Variants in SCN8A observed in about 807,000 individuals in gnomAD.
The protein encoded by SCN8A is sodium channel protein type 8 subunit alpha.
SCN8A carries 30 observed loss-of-function variants against 184.1 expected under a neutral mutation model. The ratio of observed to expected loss-of-function variants is 0.16; its 90% CI spans 0.12 to 0.22. The LOEUF (loss-of-function observed/expected upper bound fraction) is 0.22, where lower values mean the gene tolerates loss of function less well. Among genes scored for constraint, SCN8A ranks in the 10% least tolerant of loss-of-function variants. SCN8A has a pLI of 1.00. For missense variants in SCN8A, 1,057 were observed against 2,498.9 expected (o/e 0.42, Z 12.30); for synonymous variants, 852 against 907.0 (o/e 0.94, Z 1.09).
chr12:51,671,005 A>C (rs894978739), intron 2 of SCN8A, among the ~76,000 whole-genome samples: 1 of 152,236 alleles, frequency 6.6e-6, no homozygotes, highest in African/African-American at 2.4e-5. Flanking sequence ...TGATACGTGC[A>C]TTAATGAAGA....
chr12:51,799,689 T>G (rs1938501400), intron 26 of SCN8A, among the ~76,000 whole-genome samples: 1 of 152,160 alleles, frequency 6.6e-6, no homozygotes. Flanking sequence ...CACTCAAAAC[T>G]GGCAGCCTTT....
intron 12 of SCN8A, 23 bp from the exon 13 acceptor site, chr12:51,745,880 C>CT: frequency 6.5e-7 from 1 of 1,530,530 alleles, no homozygotes; most frequent in South Asian, 1.3e-5. Flanking sequence ...ACTCTATTTG[C>CT]TTTTCTTTTT....
intron 12 of SCN8A, among the ~76,000 whole-genome samples, chr12:51,731,600 C>G (rs894369863): frequency 1.3e-5 from 2 of 152,084 alleles, no homozygotes; most frequent in African/African-American, 2.4e-5. Flanking sequence ...AGTGGGATTC[C>G]GGATCGTAAG....
In SCN8A at chr12:51,808,340, A is replaced by G. The variant is rs1391456668; in HGVS notation, c.*911A>G. The G allele has an allele frequency of 6.5e-6, 1 of 152,676 alleles. No individual in the cohort carries two copies. Among genetic ancestry groups the G allele is most frequent in the East Asian group, 1.9e-4 (1 of 5,198 alleles). 9.5% of individuals were successfully genotyped at this position (152,676 alleles called of 1,614,324 possible). ...AACAAAAAACAAACCCAATCCAACA[A>G]GCAGATGGATCCGTTGCGTGTATAT... is the stretch of plus-strand genomic sequence containing the variant. On this transcript the variant is annotated 3_prime_UTR_variant, in exon 27 of 27. Coordinates refer to ENST00000627620, the MANE Select transcript of SCN8A (RefSeq NM_001330260.2).
At chr12:51,666,308 C>T (rs1025340965) in intron 2 of SCN8A, among the ~76,000 whole-genome samples, 9 of 152,156 alleles carry the variant, frequency 5.9e-5, no homozygotes, top group Non-Finnish European at 1.2e-4. Context: ...TTTCATCTTC[C>T]ACTCTTAAGA....
intron 20 of SCN8A, among the ~76,000 whole-genome samples, chr12:51,779,919 A>C (rs777852295): frequency 6.6e-6 from 1 of 152,222 alleles, no homozygotes; most frequent in Non-Finnish European, 1.5e-5. Flanking sequence ...AGGTTATTTT[A>C]GTTAAAAGTG....
chr12:51,780,272 G>A (rs1272308495), intron 20 of SCN8A: 2 of 455,294 alleles, frequency 4.4e-6, no homozygotes, highest in Non-Finnish European at 4.4e-6. Flanking sequence ...AAGGGCGAGG[G>A]TAAGGCTCTT....
chr12:51,721,112 T>A (rs1255260060), intron 11 of SCN8A, among the ~76,000 whole-genome samples: 4,402 of 101,382 alleles, frequency 0.043, 125 homozygotes, highest in Non-Finnish European at 0.059. Flanking sequence ...TATATAATAT[T>A]TATTTATTGT....
At chr12:51,701,034 T>C (rs1345104111) in intron 7 of SCN8A, 110 bp from the exon 8 acceptor site, 3 of 632,596 alleles carry the variant, frequency 4.7e-6, no homozygotes, top group East Asian at 2.8e-5. Context: ...AAAAGATTTA[T>C]GAGCTAAAGT....
intron 17 of SCN8A, 85 bp from the exon 18 acceptor site, chr12:51,769,783 C>T (rs984052693): frequency 3.4e-6 from 3 of 869,910 alleles, no homozygotes; most frequent in African/African-American, 3.3e-5. Context: ...GCTGGCCCCT[C>T]ATCCCCACCA....
intron 20 of SCN8A, among the ~76,000 whole-genome samples, chr12:51,778,649 T>C (rs1415268093): frequency 6.6e-6 from 1 of 152,234 alleles, no homozygotes; most frequent in Admixed American, 6.5e-5. Flanking sequence ...CCAGTCATGC[T>C]GCTTAATTAT....
At position 51,807,497 on chromosome 12, in the gene SCN8A, T is replaced by C. The variant is rs1565934889; in HGVS notation, c.*68T>C. 6.8e-7 allele frequency: 1 copy of C among 1,473,580 alleles called. No homozygotes were observed. The highest frequency in any genetic ancestry group is 1.4e-5 in the African/African-American group (1 of 71,582). 91.3% of individuals were successfully genotyped at this position (1,473,580 alleles called of 1,614,324 possible). Reference sequence around the variant, plus strand: ...AGTGAAAGATTGTTTACAAACTTCCTGAATATTATCAATGCAGAACAGCTG... The same window carrying C: ...AGTGAAAGATTGTTTACAAACTTCCCGAATATTATCAATGCAGAACAGCTG... On this transcript the variant is annotated 3_prime_UTR_variant, in exon 27 of 27. Transcript: ENST00000627620. The surrounding 1 kb of genome is among the most constrained non-coding windows in gnomAD (Gnocchi z 4.5).
intron 1 of SCN8A, among the ~76,000 whole-genome samples, chr12:51,595,437 A>T (rs183021963): frequency 4.6e-4 from 70 of 152,324 alleles, no homozygotes; most frequent in Admixed American, 1.4e-3. Flanking sequence ...TATGTTAGAG[A>T]TTAAGGTGAA....
At chr12:51,741,367 G>A (rs1942421009) in intron 12 of SCN8A, among the ~76,000 whole-genome samples, 1 of 152,120 alleles carries the variant, frequency 6.6e-6, no homozygotes, top group Non-Finnish European at 1.5e-5. Flanking sequence ...GGTGAAGTGT[G>A]TTTCTTGTAG....
chr12:51,609,781 C>T (rs1939676905), intron 1 of SCN8A, among the ~76,000 whole-genome samples: 1 of 126,924 alleles, frequency 7.9e-6, no homozygotes, highest in Non-Finnish European at 1.5e-5. Context: ...CACATGGACA[C>T]AGGAAGGGGA....
At chr12:51,625,618 C>G (rs914113169) in intron 1 of SCN8A, among the ~76,000 whole-genome samples, 1 of 152,162 alleles carries the variant, frequency 6.6e-6, no homozygotes, top group African/African-American at 2.4e-5. Context: ...TTAATCACCC[C>G]TCCCCCTCTT....
At chr12:51,769,360 C>G (rs760305262) in intron 17 of SCN8A, 25 bp downstream of exon 17, 1 of 1,528,750 alleles carries the variant, frequency 6.5e-7, no homozygotes, top group East Asian at 2.3e-5. Flanking sequence ...TAGAAACAGC[C>G]TTGATCCTGT....
intron 9 of SCN8A, 36 bp downstream of exon 9, chr12:51,702,950 T>C: frequency 6.4e-7 from 1 of 1,553,006 alleles, no homozygotes; most frequent in South Asian, 1.2e-5. Flanking sequence ...CCATAGAGTT[T>C]GCATGAGCTT....
At position 51,797,302 on chromosome 12, in the gene SCN8A, G is replaced by A. The variant is rs756722824; in HGVS notation, c.4795+2661G>A. On this transcript the variant is annotated intron_variant, in intron 26 of 26. Coordinates refer to ENST00000627620, the MANE Select transcript of SCN8A (RefSeq NM_001330260.2). Reference sequence around the variant, plus strand: ...GTTAACAACACTTAAATGCTGATACGAAGTCAACAAATCTTACGTCACATG... The same window carrying A: ...GTTAACAACACTTAAATGCTGATACAAAGTCAACAAATCTTACGTCACATG... Among the ~76,000 whole-genome samples, 4 of 152,084 alleles carry A rather than the reference G, an allele frequency of 2.6e-5. 1 individual carries two copies. Among genetic ancestry groups the A allele is most frequent in the Admixed American group, 2.0e-4 (3 of 15,266 alleles).
Sources: allele counts gnomAD v4.1 joint callset (sites outside exome capture counted in the v4.1 genomes callset), GRCh38; gene constraint gnomAD v4.1.1; non-coding constraint Gnocchi (gnomAD v3.1); transcripts MANE v1.5; gene names NCBI Gene and HGNC (gene_info 2026-07-23, HGNC 2026-07-21).